Variants in PLCG2 observed in about 807,000 individuals in gnomAD.
PLCG2 encodes the protein 1-phosphatidylinositol 4,5-bisphosphate phosphodiesterase gamma-2.
PLCG2 carries 69 observed loss-of-function variants against 175.6 expected under a neutral mutation model. The ratio of observed to expected loss-of-function variants is 0.39; its 90% CI spans 0.32 to 0.48. The LOEUF is 0.48. PLCG2 is among the 20% of genes least tolerant of loss of function. PLCG2 has a pLI of 0.91. For missense variants in PLCG2, 1,798 were observed against 1,650.9 expected (o/e 1.09, Z -1.54); for synonymous variants, 827 against 624.0 (o/e 1.33, Z -4.85).
intron 11 of PLCG2, among the ~76,000 whole-genome samples, chr16:81,893,187 G>A (rs1338367232): frequency 6.6e-6 from 1 of 152,092 alleles, no homozygotes; most frequent in African/African-American, 2.4e-5. Flanking sequence ...AAAAGTTGGG[G>A]TGAATCATGA....
At chr16:81,774,555 A>G (rs530858638), upstream of PLCG2, among the ~76,000 whole-genome samples, 2 of 152,032 alleles carry the variant, frequency 1.3e-5, no homozygotes, top group East Asian at 1.9e-4. Flanking sequence ...TCTCTGAACA[A>G]TGTTGGGAAA....
upstream of PLCG2, among the ~76,000 whole-genome samples, chr16:81,778,844 T>A (rs1023076533): frequency 1.3e-5 from 2 of 152,104 alleles, no homozygotes; most frequent in Non-Finnish European, 2.9e-5. Context: ...AGACGGAGTG[T>A]CTCTCGGCCA....
At chr16:81,883,965 G>A (rs1446982040) in intron 9 of PLCG2, among the ~76,000 whole-genome samples, 1 of 152,184 alleles carries the variant, frequency 6.6e-6, no homozygotes, top group Admixed American at 6.5e-5. Flanking sequence ...GTGTCACAGC[G>A]GGAGGCTGCT....
intron 2 of PLCG2, among the ~76,000 whole-genome samples, chr16:81,770,414 A>G (rs953558340): frequency 6.6e-6 from 1 of 152,236 alleles, no homozygotes; most frequent in Non-Finnish European, 1.5e-5. Flanking sequence ...ACAGCCTTTA[A>G]AAAATATTAA....
intron 5 of PLCG2, among the ~76,000 whole-genome samples, chr16:81,865,391 C>T (rs551909121): frequency 1.3e-5 from 2 of 152,122 alleles, no homozygotes; most frequent in African/African-American, 2.4e-5. Flanking sequence ...GGGAGGGGCT[C>T]GCCTAGGGAG....
At position 81,936,338 on chromosome 16, in the gene PLCG2, G is replaced by A. The variant is rs936251719; in HGVS notation, c.3012G>A (p.Leu1004=). Residue 1004 remains leucine, a synonymous_variant, in exon 27 of 33, where the codon CTG becomes CTA. Transcript: ENST00000564138. ...ACTACGACCCCTTCCGCCTCTGGCT[G>A]TGCGGTTCTCAGATGGTGGCACTCA... ...SSNYDPFRLW[L]CGSQMVALNF... 2 of 1,614,148 alleles carry A rather than the reference G, an allele frequency of 1.2e-6. No homozygotes were observed. The highest frequency in any genetic ancestry group is 8.5e-7 in the Non-Finnish European group (1 of 1,180,028).
At chr16:81,786,427 G>A (rs1259871132) in intron 2 of PLCG2, among the ~76,000 whole-genome samples, 2 of 152,210 alleles carry the variant, frequency 1.3e-5, no homozygotes. Flanking sequence ...CATGGAAATG[G>A]CATTCAGGCA....
At chr16:81,895,223 A>C (rs1908828765) in intron 12 of PLCG2, among the ~76,000 whole-genome samples, 1 of 152,242 alleles carries the variant, frequency 6.6e-6, no homozygotes, top group Non-Finnish European at 1.5e-5. Flanking sequence ...GGTTTTCAAC[A>C]GGTAAAGTCA....
intron 5 of PLCG2, among the ~76,000 whole-genome samples, chr16:81,861,808 G>A (rs1485364290): frequency 2.0e-5 from 3 of 152,190 alleles, no homozygotes; most frequent in East Asian, 1.9e-4. Context: ...TCGGCTCTTC[G>A]TTTGTGAGGT....
intron 1 of PLCG2, among the ~76,000 whole-genome samples, chr16:81,742,292 C>A (rs568368763): frequency 6.6e-6 from 1 of 152,242 alleles, no homozygotes; most frequent in Non-Finnish European, 1.5e-5. Flanking sequence ...TGCATTCAAC[C>A]TGCTAGGTGC....
At chr16:81,755,019 T>C (rs1161769505) in intron 1 of PLCG2, among the ~76,000 whole-genome samples, 1 of 149,582 alleles carries the variant, frequency 6.7e-6, no homozygotes. Context: ...TGAGCCCCCA[T>C]TGCCTGATCT....
At chr16:81,844,551 A>C (rs1239028280) in intron 2 of PLCG2, among the ~76,000 whole-genome samples, 2 of 149,816 alleles carry the variant, frequency 1.3e-5, no homozygotes, top group Non-Finnish European at 3.0e-5. Context: ...CAAACTCCCA[A>C]CTTCAAGTGA....
chr16:81,942,053 C>T (rs888812277), intron 30 of PLCG2, among the ~76,000 whole-genome samples: 6 of 152,102 alleles, frequency 3.9e-5, no homozygotes, highest in African/African-American at 7.2e-5. Flanking sequence ...TTTTGGTACA[C>T]CTTTACGTTC....
chr16:81,771,432 T>A (rs1394085655), intron 2 of PLCG2, among the ~76,000 whole-genome samples: 1 of 152,166 alleles, frequency 6.6e-6, no homozygotes, highest in Admixed American at 6.5e-5. Flanking sequence ...AAAGCTTCCC[T>A]CTCTCTGGTG....
At chr16:81,858,468 G>A (rs1906799745) in intron 4 of PLCG2, 112 bp downstream of exon 4, 6 of 775,428 alleles carry the variant, frequency 7.7e-6, no homozygotes, top group Non-Finnish European at 1.4e-5. Flanking sequence ...TTGGTTTTTT[G>A]AGGCTCGTTG....
chr16:81,789,023 C>T (rs1911107438), intron 2 of PLCG2, among the ~76,000 whole-genome samples: 1 of 152,182 alleles, frequency 6.6e-6, no homozygotes, highest in Non-Finnish European at 1.5e-5. Context: ...TCAGAAACAC[C>T]CAGGGGGGAT....
In PLCG2 at chr16:81,895,859, G is replaced by A. The variant is rs374233612; in HGVS notation, c.1125G>A (p.Thr375=). ...DGKPVIYHGW[T]RTTKIKFDDV... ...AGCCGGTCATCTACCATGGCTGGAC[G>A]CGGACTACCAAGATCAAGTTTGACG... The change falls in exon 13 of 33, where the codon ACG becomes ACA. Residue 375 remains threonine, a synonymous_variant. Transcript: ENST00000564138. The A allele has an allele frequency of 3.6e-5, 58 of 1,613,990 alleles. No homozygotes were observed. The highest frequency in any genetic ancestry group is 1.2e-4 in the African/African-American group (9 of 74,904).
At chr16:81,936,646 T>C (rs1033177009) in intron 27 of PLCG2, among the ~76,000 whole-genome samples, 3 of 152,154 alleles carry the variant, frequency 2.0e-5, no homozygotes, top group Non-Finnish European at 4.4e-5. Context: ...AAAAAGAAAA[T>C]GCATTAGTTC....
chr16:81,940,493 C>T (rs554472252), intron 30 of PLCG2, among the ~76,000 whole-genome samples: 9 of 152,194 alleles, frequency 5.9e-5, no homozygotes, highest in Non-Finnish European at 1.2e-4. Context: ...TCCAACTCCC[C>T]AAACCCTTCA....
Sources: allele counts gnomAD v4.1 joint callset (sites outside exome capture counted in the v4.1 genomes callset), GRCh38; gene constraint gnomAD v4.1.1; transcripts MANE v1.5; gene names NCBI Gene and HGNC (gene_info 2026-07-23, HGNC 2026-07-21).